Variants in TMEM132B observed in about 807,000 individuals in gnomAD.
The protein encoded by TMEM132B is transmembrane protein 132B.
TMEM132B carries 18 observed loss-of-function variants against 90.8 expected under a neutral mutation model. That is an observed-to-expected ratio of 0.20 (90% confidence interval 0.14 to 0.29). TMEM132B has a LOEUF of 0.29. Among genes scored for constraint, TMEM132B ranks in the 10% least tolerant of loss-of-function variants. TMEM132B has a pLI of 1.00. For synonymous variants in TMEM132B, 504 were observed against 523.3 expected, an observed-to-expected ratio of 0.96 and a Z score of 0.50; for missense variants, 1,096 against 1,326.8, an observed-to-expected ratio of 0.83 and a Z score of 2.70.
At chr12:125,362,250 C>T (rs1877982261) in intron 2 of TMEM132B, among the ~76,000 whole-genome samples, 2 of 152,148 alleles carry the variant, frequency 1.3e-5, no homozygotes, top group South Asian at 4.1e-4. Context: ...GTGCTGACTC[C>T]CTGACTGACA....
intron 2 of TMEM132B, among the ~76,000 whole-genome samples, chr12:125,360,208 T>C (rs1185846986): frequency 6.6e-6 from 1 of 152,264 alleles, no homozygotes; most frequent in Non-Finnish European, 1.5e-5. Flanking sequence ...AAAGGGATTT[T>C]ACTTCTGCAA....
intron 1 of TMEM132B, among the ~76,000 whole-genome samples, chr12:125,292,026 C>G (rs1875554919): frequency 1.3e-5 from 2 of 152,186 alleles, no homozygotes; most frequent in Non-Finnish European, 2.9e-5. Context: ...ATTATTTTAT[C>G]AGAGTAGTCT....
intron 1 of TMEM132B, among the ~76,000 whole-genome samples, chr12:125,293,383 C>T (rs1038596384): frequency 2.6e-5 from 4 of 152,128 alleles, no homozygotes; most frequent in African/African-American, 4.8e-5. Flanking sequence ...GTTTGGAGTA[C>T]GATTGATCTT....
At chr12:125,421,005 C>T (rs1045061607) in intron 3 of TMEM132B, among the ~76,000 whole-genome samples, 4 of 152,210 alleles carry the variant, frequency 2.6e-5, no homozygotes, top group Admixed American at 1.3e-4. Flanking sequence ...CAGTTCCCAA[C>T]AAGTTCCTCA....
rs767174153 is a variant in TMEM132B, at chr12:125,408,268, A to C, written c.960-7263A>C. 7.9e-5 allele frequency among the ~76,000 whole-genome samples: 12 copies of C among 152,140 alleles called. No homozygotes were observed. The highest frequency in any genetic ancestry group is 3.3e-4 in the Admixed American group (5 of 15,284). ...GTTACGCTTTACCAGTTCCGTTGTC[A>C]ATGGGTGCTAGGGTCTGAACGTCTG... On this transcript the variant is annotated intron_variant, in intron 2 of 8. Coordinates refer to ENST00000682704, the MANE Select transcript of TMEM132B (RefSeq NM_001366854.1). The surrounding 1 kb of genome is among the most constrained non-coding windows in gnomAD (Gnocchi z 5.9).
At chr12:125,424,031 A>G (rs444512) in intron 3 of TMEM132B, among the ~76,000 whole-genome samples, 147,248 of 152,324 alleles carry the variant, frequency 0.97, 71,374 homozygotes, top group East Asian at 1. Context: ...GAGCCCTTCA[A>G]TGAATCTGTA....
intron 4 of TMEM132B, among the ~76,000 whole-genome samples, chr12:125,550,874 G>T (rs1473474925): frequency 2.6e-5 from 3 of 116,322 alleles, no homozygotes; most frequent in Non-Finnish European, 5.6e-5. Context: ...TGCAGTGCAA[G>T]ATCTCACTGC....
chr12:125,434,812 T>C (rs570818442), intron 3 of TMEM132B, among the ~76,000 whole-genome samples: 1 of 150,170 alleles, frequency 6.7e-6, no homozygotes, highest in South Asian at 2.1e-4. Flanking sequence ...CCGAATTCCT[T>C]TTATTGTAAA....
intron 5 of TMEM132B, among the ~76,000 whole-genome samples, chr12:125,607,408 T>A (rs753569639): frequency 4.6e-5 from 7 of 152,204 alleles, no homozygotes; most frequent in Non-Finnish European, 1.0e-4. Context: ...ATTAGTTTGC[T>A]TTATCTGAAC....
At chr12:125,389,735 T>C (rs1878953799) in intron 2 of TMEM132B, among the ~76,000 whole-genome samples, 1 of 152,184 alleles carries the variant, frequency 6.6e-6, no homozygotes, top group Non-Finnish European at 1.5e-5. Context: ...CCTGTGGACA[T>C]GTGGCAGGGT....
At chr12:125,258,796 C>T (rs776495890) in intron 1 of TMEM132B, among the ~76,000 whole-genome samples, 16 of 152,082 alleles carry the variant, frequency 1.1e-4, no homozygotes, top group East Asian at 3.9e-4. Context: ...AACAGGATAA[C>T]GGGATCAGGA....
chr12:125,243,710 A>C (rs1279336547), intron 1 of TMEM132B, among the ~76,000 whole-genome samples: 1 of 152,080 alleles, frequency 6.6e-6, no homozygotes, highest in Non-Finnish European at 1.5e-5. Flanking sequence ...CTTTCCCCCC[A>C]TCCCTCTTCC....
rs117187496 is a variant in TMEM132B at position 125,193,232 on chromosome 12, C to T, written c.67+6366C>T. ...TGTTGAGTGAGGGGTAGGATGTGTCCTCAGATGGGGACACTGAGGCTCAGA... is the reference window on the plus strand; with the variant it reads ...TGTTGAGTGAGGGGTAGGATGTGTCTTCAGATGGGGACACTGAGGCTCAGA... On this transcript the variant is annotated intron_variant, in intron 1 of 8. Coordinates refer to ENST00000682704, the MANE Select transcript of TMEM132B (RefSeq NM_001366854.1). Among the ~76,000 whole-genome samples, 844 of 152,236 alleles carry T rather than the reference C, an allele frequency of 5.5e-3. 6 individuals carry two copies. The highest frequency in any genetic ancestry group is 0.03 in the East Asian group (153 of 5,178).
chr12:125,389,096 G>T (rs189252221), intron 2 of TMEM132B, among the ~76,000 whole-genome samples: 2 of 151,798 alleles, frequency 1.3e-5, no homozygotes, highest in African/African-American at 2.4e-5. Flanking sequence ...AAAATTGGGT[G>T]TTGAGGATAC....
At chr12:125,549,548 T>C (rs1884169097) in intron 4 of TMEM132B, among the ~76,000 whole-genome samples, 4 of 152,348 alleles carry the variant, frequency 2.6e-5, no homozygotes, top group East Asian at 1.9e-4. Context: ...TTATAATCTT[T>C]CAGGCTTACT....
intron 3 of TMEM132B, among the ~76,000 whole-genome samples, chr12:125,449,640 TGG>T (rs1454900804): frequency 1.3e-5 from 2 of 151,950 alleles, no homozygotes; most frequent in African/African-American, 4.8e-5. Flanking sequence ...TCTAGTATCT[TGG>T]GGAGTATGGT....
At chr12:125,582,381 C>T (rs1176594185) in intron 4 of TMEM132B, among the ~76,000 whole-genome samples, 1 of 151,974 alleles carries the variant, frequency 6.6e-6, no homozygotes, top group African/African-American at 2.4e-5. Flanking sequence ...GCGGGGCCGA[C>T]TATAGAATCC....
At chr12:125,227,034 C>T (rs762465698) in intron 1 of TMEM132B, among the ~76,000 whole-genome samples, 1 of 152,136 alleles carries the variant, frequency 6.6e-6, no homozygotes, top group South Asian at 2.1e-4. Flanking sequence ...AGGATGTTCC[C>T]GGTATGTGAG....
At chr12:125,550,962 G>T (rs576180728) in intron 4 of TMEM132B, among the ~76,000 whole-genome samples, 1 of 152,122 alleles carries the variant, frequency 6.6e-6, no homozygotes, top group African/African-American at 2.4e-5. Flanking sequence ...ACAGTTATGT[G>T]CCAGCACGCT....
Sources: gnomAD v4.1 joint callset for allele counts (sites outside exome capture counted in the v4.1 genomes callset) on GRCh38, gnomAD v4.1.1 for gene constraint, Gnocchi (gnomAD v3.1) non-coding constraint, MANE v1.5 for transcripts, NCBI Gene and HGNC (gene_info 2026-07-23, HGNC 2026-07-21) for gene names.